Variants in CNGB3 observed in about 807,000 individuals in gnomAD.
The protein encoded by CNGB3 is cyclic nucleotide gated channel subunit beta 3, also known as cyclic nucleotide-gated channel beta-3.
Under a neutral mutation model 92.8 loss-of-function variants are expected in CNGB3, and 86 were observed. The ratio of observed to expected loss-of-function variants is 0.93; its 90% CI spans 0.78 to 1.11. The LOEUF is 1.11. CNGB3 is among the 50% of genes least tolerant of loss of function. CNGB3 has a pLI of 0.00. For missense variants in CNGB3, 1,026 were observed against 956.8 expected, an observed-to-expected ratio of 1.07 and a Z score of -0.95; for synonymous variants, 333 against 332.7, an observed-to-expected ratio of 1.00 and a Z score of -0.01.
rs2131687597 is a variant in CNGB3 at position 86,743,601 on chromosome 8, G to A, written c.27C>T (p.Asn9=). The change falls in exon 1 of 18, where the codon AAC becomes AAT. Residue 9 remains asparagine, a synonymous_variant. Transcript: ENST00000320005. MFKSLTKV[N]KVKPIGENNE... is the part of the protein sequence containing the mutation. ...TGTTCTCTCCTATAGGCTTCACCTT[G>A]TTGACTTTTGTCAGCGATTTAAACA... 6.2e-7 allele frequency: 1 copy of A among 1,613,990 alleles called. No individual in the cohort carries two copies. The highest frequency in any genetic ancestry group is 8.5e-7 in the Non-Finnish European group (1 of 1,179,882).
intron 3 of CNGB3, chr8:86,704,160 C>A (rs1251156690): frequency 2.0e-5 from 3 of 152,120 alleles, no homozygotes; most frequent in Non-Finnish European, 2.9e-5. Context: ...TGCATTCTTA[C>A]AATAAAGCAA....
rs750499938 is a variant in CNGB3 at position 86,625,952 on chromosome 8, T to C, written c.1578+31A>G. ...AGCTTAGATTCCATAGAGAAATAGA[T>C]ACAGAGTCTATTAATTGTAAAAGCA... On this transcript the variant is annotated intron_variant, in intron 13 of 17. Transcript: ENST00000320005. 4.6e-6 allele frequency: 7 copies of C among 1,510,776 alleles called. 1 individual carries two copies. The South Asian group carries it at 7.9e-5, about 17-fold the overall frequency. 93.6% of individuals were successfully genotyped at this position (1,510,776 alleles called of 1,614,324 possible). A position where few individuals can be genotyped will look rare whatever the true frequency, so the allele number is the denominator to read the frequency against.
intron 4 of CNGB3, among the ~76,000 whole-genome samples, chr8:86,668,427 T>C (rs545137528): frequency 6.6e-6 from 1 of 152,144 alleles, no homozygotes; most frequent in Admixed American, 6.5e-5. Context: ...ATAGCCCATG[T>C]ATACCTATGT....
intron 2 of CNGB3, among the ~76,000 whole-genome samples, chr8:86,731,122 G>T (rs1825147814): frequency 6.6e-6 from 1 of 152,184 alleles, no homozygotes; most frequent in Non-Finnish European, 1.5e-5. Flanking sequence ...TTTATTTCAT[G>T]TAGTCTAGAA....
At chr8:86,655,143 C>T (rs1823479611) in intron 6 of CNGB3, among the ~76,000 whole-genome samples, 10 of 152,176 alleles carry the variant, frequency 6.6e-5, no homozygotes, top group Admixed American at 6.6e-4. Flanking sequence ...CCTGATACAA[C>T]CAATAGCCAA....
intron 6 of CNGB3, chr8:86,658,747 C>G: frequency 4.0e-6 from 2 of 497,692 alleles, no homozygotes; most frequent in Non-Finnish European, 7.4e-6. Context: ...TCCATGTTCT[C>G]ATTGTTCAGC....
At chr8:86,592,112 G>C (rs545803387) in intron 15 of CNGB3, among the ~76,000 whole-genome samples, 14 of 152,292 alleles carry the variant, frequency 9.2e-5, no homozygotes, top group Non-Finnish European at 1.0e-4. Context: ...TCCAGGTGCC[G>C]TCCGTCACCC....
intron 3 of CNGB3, among the ~76,000 whole-genome samples, chr8:86,676,488 C>A (rs534117397): frequency 3.3e-5 from 5 of 151,984 alleles, no homozygotes; most frequent in Non-Finnish European, 7.4e-5. Context: ...TGATGGGGAA[C>A]CATGGCAGAA....
At chr8:86,683,838 C>T (rs577186997) in intron 3 of CNGB3, among the ~76,000 whole-genome samples, 1 of 152,224 alleles carries the variant, frequency 6.6e-6, no homozygotes, top group South Asian at 2.1e-4. Context: ...AAAAAATTAA[C>T]TCAAAATGGA....
At chr8:86,716,575 TAAAC>T (rs978209389) in intron 3 of CNGB3, among the ~76,000 whole-genome samples, 1 of 152,276 alleles carries the variant, frequency 6.6e-6, no homozygotes, top group Admixed American at 6.5e-5. Flanking sequence ...TTAGCCTCCT[TAAAC>T]AAAACAATTA....
intron 14 of CNGB3, 23 bp downstream of exon 14, chr8:86,611,565 T>C (rs1476889356): frequency 1.3e-6 from 2 of 1,583,828 alleles, no homozygotes; most frequent in South Asian, 1.1e-5. Flanking sequence ...TAGTTGTGCA[T>C]TTGAAAAATA....
chr8:86,589,517 C>T (rs1821977416), intron 15 of CNGB3, among the ~76,000 whole-genome samples: 1 of 151,836 alleles, frequency 6.6e-6, no homozygotes, highest in Non-Finnish European at 1.5e-5. Flanking sequence ...TGAATGAGTC[C>T]CAGAGATTCT....
Position 86,626,005 on chromosome 8 carries a change from A to T in CNGB3, c.1556T>A (p.Ile519Asn). Residue 519 changes from isoleucine (I) to asparagine (N), a missense_variant, in exon 13 of 18, where the codon ATC (isoleucine) becomes AAC (asparagine). Ile to Asn is a moderately radical substitution (Grantham distance 149). Transcript: ENST00000320005. ...TGCCTTGAACAAGTCGACTTTGCTGATGATGCTGAAGTTCACATCAATGGC... is the reference window on the plus strand; with the variant it reads ...TGCCTTGAACAAGTCGACTTTGCTGTTGATGCTGAAGTTCACATCAATGGC... ...ALAIDVNFSI[I>N]SKVDLFKGCD... 1 of 1,613,818 alleles carries T rather than the reference A, an allele frequency of 6.2e-7. No homozygotes were observed. The highest frequency in any genetic ancestry group is 8.5e-7 in the Non-Finnish European group (1 of 1,179,832).
chr8:86,667,543 G>C (rs1823767248), intron 5 of CNGB3, among the ~76,000 whole-genome samples: 2 of 152,176 alleles, frequency 1.3e-5, no homozygotes, highest in Admixed American at 1.3e-4. Context: ...TGGCAGAAAG[G>C]CCACATCCTG....
In CNGB3 at chr8:86,584,604, T is replaced by G. The variant is rs528498861; in HGVS notation, c.1782-5352A>C. On this transcript the variant is annotated intron_variant, in intron 15 of 17. Coordinates refer to ENST00000320005, the MANE Select transcript of CNGB3 (RefSeq NM_019098.5). The stretch of plus-strand genomic sequence containing the variant: ...TTTTTCATCTTGTCCACAAAATGCT[T>G]CTCCAGCATTCCACCCATGGAAAGT... Among the ~76,000 whole-genome samples the G allele has an allele frequency of 1.2e-4, 19 of 152,156 alleles. No homozygotes were observed. In the South Asian group the frequency reaches 3.9e-3, roughly 32 times the overall value.
intron 15 of CNGB3, among the ~76,000 whole-genome samples, chr8:86,585,135 A>G (rs1164051674): frequency 4.6e-5 from 7 of 152,298 alleles, no homozygotes; most frequent in African/African-American, 1.7e-4. Context: ...GAACAAAAGC[A>G]GGTGTGAGAA....
At chr8:86,608,647 T>C (rs1295899043) in intron 14 of CNGB3, among the ~76,000 whole-genome samples, 1 of 152,234 alleles carries the variant, frequency 6.6e-6, no homozygotes, top group Non-Finnish European at 1.5e-5. Context: ...CTCTGCCTTC[T>C]AAATAGCAGT....
intron 13 of CNGB3, among the ~76,000 whole-genome samples, chr8:86,622,267 C>G (rs574175031): frequency 1.3e-5 from 2 of 151,984 alleles, no homozygotes; most frequent in South Asian, 2.1e-4. Context: ...ATTCCTTGTT[C>G]ATATAACAGA....
At chr8:86,674,155 A>G (rs928939141) in intron 3 of CNGB3, among the ~76,000 whole-genome samples, 1 of 152,206 alleles carries the variant, frequency 6.6e-6, no homozygotes, top group African/African-American at 2.4e-5. Context: ...TGAATCATTA[A>G]CTATAAAGTC....
Sources: allele counts gnomAD v4.1 joint callset (sites outside exome capture counted in the v4.1 genomes callset), GRCh38; gene constraint gnomAD v4.1.1; transcripts MANE v1.5; gene names NCBI Gene and HGNC (gene_info 2026-07-23, HGNC 2026-07-21).